Variants in HS6ST3 observed in about 807,000 individuals in gnomAD.
HS6ST3 encodes heparan-sulfate 6-O-sulfotransferase 3.
Under a neutral mutation model 36.7 loss-of-function variants are expected in HS6ST3, and 12 were observed. The observed-to-expected ratio is 0.33, with a 90% confidence interval of 0.21 to 0.53. HS6ST3 has a LOEUF of 0.53. Among genes scored for constraint, HS6ST3 ranks in the 20% least tolerant of loss-of-function variants. HS6ST3 has a pLI of 0.95. For synonymous variants in HS6ST3, 240 were observed against 257.5 expected, an observed-to-expected ratio of 0.93 and a Z score of 0.65; for missense variants, 584 against 640.9, an observed-to-expected ratio of 0.91 and a Z score of 0.96.
intron 1 of HS6ST3, among the ~76,000 whole-genome samples, chr13:96,735,902 A>G (rs1318975305): frequency 1.3e-5 from 2 of 152,186 alleles, no homozygotes; most frequent in African/African-American, 4.8e-5. Context: ...AAGGAATGAG[A>G]TCACATCCTT....
chr13:96,317,356 A>AAAAT (rs1399381667), intron 1 of HS6ST3, among the ~76,000 whole-genome samples: 160 of 14,200 alleles, frequency 0.011, 1 homozygote, highest in African/African-American at 0.022. Context: ...ATATATATAT[A>AAAAT]TATATATATA....
chr13:96,163,222 A>ATTTTT (rs147731415), intron 1 of HS6ST3, among the ~76,000 whole-genome samples: 35 of 79,066 alleles, frequency 4.4e-4, no homozygotes, highest in South Asian at 5.4e-4. Flanking sequence ...TCTGAGATAC[A>ATTTTT]TTTTTTTTTT....
At chr13:96,490,613 A>C (rs935835545) in intron 1 of HS6ST3, among the ~76,000 whole-genome samples, 5 of 152,066 alleles carry the variant, frequency 3.3e-5, no homozygotes, top group Non-Finnish European at 5.9e-5. Flanking sequence ...ATGGTTACAG[A>C]CTCTGTCTTT....
chr13:96,490,195 T>G (rs1252182522), intron 1 of HS6ST3, among the ~76,000 whole-genome samples: 1 of 152,188 alleles, frequency 6.6e-6, no homozygotes, highest in Non-Finnish European at 1.5e-5. Context: ...GCAGCTGAGT[T>G]TAATTCTATA....
chr13:96,720,016 A>G (rs1220376487), intron 1 of HS6ST3, among the ~76,000 whole-genome samples: 1 of 152,134 alleles, frequency 6.6e-6, no homozygotes, highest in Non-Finnish European at 1.5e-5. Context: ...GGGTGCATAT[A>G]TCATGGGGCT....
chr13:96,108,269 GC>G (rs2053851471), intron 1 of HS6ST3, among the ~76,000 whole-genome samples: 1 of 152,120 alleles, frequency 6.6e-6, no homozygotes, highest in East Asian at 1.9e-4. Flanking sequence ...CTCCTGTAGC[GC>G]CCCCAGGCTT....
intron 1 of HS6ST3, among the ~76,000 whole-genome samples, chr13:96,243,951 C>T (rs948724845): frequency 6.6e-6 from 1 of 151,692 alleles, no homozygotes; most frequent in Admixed American, 6.6e-5. Context: ...ATCTTTATCT[C>T]CTTCTGATAA....
intron 1 of HS6ST3, among the ~76,000 whole-genome samples, chr13:96,633,737 G>A (rs764108783): frequency 8.5e-5 from 13 of 152,116 alleles, no homozygotes; most frequent in Non-Finnish European, 1.8e-4. Flanking sequence ...ATACGTTGAT[G>A]TATGACTGAG....
At chr13:96,772,081 G>A (rs1203586648) in intron 1 of HS6ST3, among the ~76,000 whole-genome samples, 1 of 152,112 alleles carries the variant, frequency 6.6e-6, no homozygotes, top group Non-Finnish European at 1.5e-5. Flanking sequence ...TTTGTGATGG[G>A]GCCAGGGTTT....
intron 1 of HS6ST3, among the ~76,000 whole-genome samples, chr13:96,494,390 T>C (rs1594793326): frequency 1.3e-5 from 1 of 76,244 alleles, no homozygotes; most frequent in Non-Finnish European, 2.4e-5. Context: ...CGGGGCCTGT[T>C]GTGGGGTGGG....
At chr13:96,636,504 A>G (rs973341889) in intron 1 of HS6ST3, among the ~76,000 whole-genome samples, 3 of 152,148 alleles carry the variant, frequency 2.0e-5, no homozygotes, top group African/African-American at 7.2e-5. Flanking sequence ...GCAGCATGCC[A>G]TTGGAGGTAG....
Position 96,126,176 on chromosome 13 carries a change from T to A in HS6ST3, c.707+34607T>A, listed in dbSNP as rs371313799. Among the ~76,000 whole-genome samples the A allele has an allele frequency of 5.3e-5, 8 of 152,186 alleles. No individual in the cohort carries two copies. The East Asian group carries it at 1.3e-3, about 26-fold the overall frequency. On this transcript the variant is annotated intron_variant, in intron 1 of 1. Coordinates refer to ENST00000376705, the MANE Select transcript of HS6ST3 (RefSeq NM_153456.4). ...GACCATTAATCCCTTAGTCCTCTCC[T>A]TTTCCACATCTGCTAGTCAGCCCCC... is the stretch of plus-strand genomic sequence containing the variant.
At chr13:96,329,921 T>C (rs2139419786) in intron 1 of HS6ST3, among the ~76,000 whole-genome samples, 4 of 147,550 alleles carry the variant, frequency 2.7e-5, no homozygotes, top group Admixed American at 6.8e-5. Flanking sequence ...GAATTGATCC[T>C]TTTACCATTA....
At chr13:96,614,298 A>C (rs1412358594) in intron 1 of HS6ST3, among the ~76,000 whole-genome samples, 4 of 20,026 alleles carry the variant, frequency 2.0e-4, no homozygotes, top group African/African-American at 8.3e-4. Flanking sequence ...GATCCATCTC[A>C]AAAAAAAAAA....
intron 1 of HS6ST3, among the ~76,000 whole-genome samples, chr13:96,664,643 A>G (rs1218854857): frequency 2.0e-5 from 3 of 152,156 alleles, no homozygotes; most frequent in African/African-American, 7.2e-5. Context: ...AGAATGTAAT[A>G]TAGGTGAGGG....
In HS6ST3 at chr13:96,630,091, C is replaced by T. The variant is rs77799235; in HGVS notation, c.708-202399C>T. On this transcript the variant is annotated intron_variant, in intron 1 of 1. Coordinates refer to ENST00000376705, the MANE Select transcript of HS6ST3 (RefSeq NM_153456.4). ...AATACATTCACATGCTATTTTAAAA[C>T]TTACTTTGTTAAAAAAATATTTTTT... Among the ~76,000 whole-genome samples the T allele has an allele frequency of 3.9e-3, 594 of 152,210 alleles. 2 individuals are homozygous for T. Among genetic ancestry groups the T allele is most frequent in the African/African-American group, 0.014 (574 of 41,544 alleles).
intron 1 of HS6ST3, among the ~76,000 whole-genome samples, chr13:96,106,692 A>G (rs1402006740): frequency 2.6e-5 from 4 of 152,194 alleles, no homozygotes; most frequent in Admixed American, 2.6e-4. Flanking sequence ...CAGATACAGG[A>G]TGGTTGGTGG....
chr13:96,404,337 G>T (rs995625475), intron 1 of HS6ST3, among the ~76,000 whole-genome samples: 1 of 152,190 alleles, frequency 6.6e-6, no homozygotes, highest in African/African-American at 2.4e-5. Context: ...ACCCAAAATT[G>T]TTAAGGTAGT....
intron 1 of HS6ST3, among the ~76,000 whole-genome samples, chr13:96,478,426 T>C (rs1220836916): frequency 2.0e-5 from 3 of 152,042 alleles, no homozygotes; most frequent in Non-Finnish European, 1.5e-5. Context: ...TTAATGTACA[T>C]AGTGAAATAG....
Sources: gnomAD v4.1 joint callset for allele counts (sites outside exome capture counted in the v4.1 genomes callset) on GRCh38, gnomAD v4.1.1 for gene constraint, MANE v1.5 for transcripts, NCBI Gene and HGNC (gene_info 2026-07-23, HGNC 2026-07-21) for gene names.